The following LPP variants were observed in gnomAD, a reference collection of about 807,000 sequenced individuals.
LPP encodes lipoma-preferred partner.
A neutral mutation model predicts 60.4 loss-of-function variants in LPP; 38 were observed. The observed-to-expected ratio is 0.63, with a 90% CI of 0.49 to 0.83. LPP has a LOEUF of 0.83. Among genes scored for constraint, LPP ranks in the 40% least tolerant of loss-of-function variants. The pLI, the probability that LPP is intolerant of heterozygous loss-of-function variation, is 0.00. For missense variants in LPP, 902 were observed against 783.6 expected, an observed-to-expected ratio of 1.15 and a Z score of -1.80; for synonymous variants, 328 against 290.8, an observed-to-expected ratio of 1.13 and a Z score of -1.30.
chr3:188,246,651 A>G (rs1438090312), intron 2 of LPP, among the ~76,000 whole-genome samples: 1 of 152,222 alleles, frequency 6.6e-6, no homozygotes, highest in Non-Finnish European at 1.5e-5. Flanking sequence ...AGTCCCCCAC[A>G]GGGCAGGAGC....
Position 188,182,875 on chromosome 3 carries a change from C to G in LPP, c.-190+28623C>G, listed in dbSNP as rs1168674113. 6.6e-6 allele frequency among the ~76,000 whole-genome samples: 1 copy of G among 151,736 alleles called. No homozygotes were observed. Among genetic ancestry groups the G allele is most frequent in the East Asian group, 1.9e-4 (1 of 5,174 alleles). ...CCCAGCCCTTACTCCAGTCTAGAAT[C>G]AAAATCTCTGAGAAGTAGACCTGGT... On this transcript the variant is annotated intron_variant, in intron 1 of 11. Transcript: ENST00000617246. The surrounding 1 kb of genome is among the most constrained non-coding windows in gnomAD (Gnocchi z 4.4).
intron 9 of LPP, among the ~76,000 whole-genome samples, chr3:188,808,088 T>G (rs1244052457): frequency 6.6e-6 from 1 of 152,160 alleles, no homozygotes; most frequent in African/African-American, 2.4e-5. Flanking sequence ...TTGTTGTTGC[T>G]GTGATTCCCC....
chr3:188,583,647 G>A (rs1039993829), intron 6 of LPP, among the ~76,000 whole-genome samples: 17 of 152,250 alleles, frequency 1.1e-4, no homozygotes, highest in South Asian at 2.1e-4. Flanking sequence ...CCCGGACCGC[G>A]TTGTTAAACT....
At chr3:188,805,861 A>T (rs1748973651) in intron 9 of LPP, among the ~76,000 whole-genome samples, 1 of 151,628 alleles carries the variant, frequency 6.6e-6, no homozygotes, top group Non-Finnish European at 1.5e-5. Context: ...TGTGTTATTT[A>T]ATTTTTAAAT....
chr3:188,322,668 G>A (rs958037003), intron 2 of LPP, among the ~76,000 whole-genome samples: 4 of 152,146 alleles, frequency 2.6e-5, no homozygotes, highest in South Asian at 2.1e-4. Context: ...GAAGAGTGCC[G>A]GACAGCTGTA....
intron 5 of LPP, among the ~76,000 whole-genome samples, chr3:188,485,658 G>A (rs1043391804): frequency 5.3e-5 from 8 of 150,668 alleles, no homozygotes; most frequent in South Asian, 2.1e-4. Context: ...TTAGCCGGGC[G>A]TAGTGGCGGG....
At chr3:188,868,087 C>CATTATTGAT (rs1767122121) in intron 10 of LPP, among the ~76,000 whole-genome samples, 1 of 152,192 alleles carries the variant, frequency 6.6e-6, no homozygotes, top group Non-Finnish European at 1.5e-5. Flanking sequence ...TTGTGCTTCA[C>CATTATTGAT]ATTATTGATA....
intron 7 of LPP, among the ~76,000 whole-genome samples, chr3:188,663,748 C>T (rs1162363568): frequency 1.3e-5 from 2 of 152,142 alleles, no homozygotes; most frequent in Admixed American, 6.5e-5. Context: ...AGTTTTTCCA[C>T]GAACCCAGGG....
At chr3:188,602,054 C>T (rs1416457505) in intron 6 of LPP, among the ~76,000 whole-genome samples, 20 of 131,918 alleles carry the variant, frequency 1.5e-4, no homozygotes, top group Admixed American at 1.5e-3. Context: ...GGTGACAGAG[C>T]AAGACTCTAT....
At chr3:188,359,317 C>T (rs776388977) in intron 3 of LPP, among the ~76,000 whole-genome samples, 7 of 152,120 alleles carry the variant, frequency 4.6e-5, no homozygotes, top group Non-Finnish European at 7.4e-5. Context: ...GCCCCTCTGA[C>T]GAAGTAAAAG....
intron 9 of LPP, among the ~76,000 whole-genome samples, chr3:188,801,662 G>A (rs1273108157): frequency 6.6e-6 from 1 of 152,154 alleles, no homozygotes; most frequent in Non-Finnish European, 1.5e-5. Context: ...GATCCGTGAT[G>A]TCTTGACTCT....
intron 7 of LPP, among the ~76,000 whole-genome samples, chr3:188,669,299 G>A (rs909767663): frequency 1.6e-4 from 25 of 152,064 alleles, no homozygotes; most frequent in Non-Finnish European, 2.9e-4. Context: ...AGTCAGGGCC[G>A]GGCATGATGG....
chr3:188,154,993 C>A (rs1239241234), intron 1 of LPP, among the ~76,000 whole-genome samples: 1 of 152,088 alleles, frequency 6.6e-6, no homozygotes, highest in Non-Finnish European at 1.5e-5. Context: ...AGCCAGCTAG[C>A]GGCTTGGAGG....
At chr3:188,853,811 A>G (rs1249888370) in intron 9 of LPP, among the ~76,000 whole-genome samples, 1 of 147,486 alleles carries the variant, frequency 6.8e-6, no homozygotes, top group Non-Finnish European at 1.5e-5. Flanking sequence ...AAACCATTGA[A>G]GCACTTTAGA....
chr3:188,859,668 AG>A (rs1288635564), intron 9 of LPP, among the ~76,000 whole-genome samples: 15 of 152,186 alleles, frequency 9.9e-5, no homozygotes, highest in African/African-American at 3.4e-4. Flanking sequence ...GCATATAAGA[AG>A]TTTGTTTAAA....
rs1738493209 is a variant in LPP, at chr3:188,778,354, G to T, written c.1410+18072G>T. ...CCAGCTCATTTATATACAGTTCCTG[G>T]TTGCTGAAATTTTACTGGCAAGCTT... On this transcript the variant is annotated intron_variant, in intron 9 of 11. Transcript: ENST00000617246. 2.6e-5 allele frequency among the ~76,000 whole-genome samples: 4 copies of T among 152,074 alleles called. No homozygotes were observed. The South Asian group carries it at 8.3e-4, about 31-fold the overall frequency.
intron 8 of LPP, among the ~76,000 whole-genome samples, chr3:188,739,507 A>G (rs938894584): frequency 6.6e-6 from 1 of 152,080 alleles, no homozygotes; most frequent in Non-Finnish European, 1.5e-5. Flanking sequence ...TAGAAGATGT[A>G]TAAGGGTTTT....
intron 3 of LPP, among the ~76,000 whole-genome samples, chr3:188,365,805 T>C (rs1770986169): frequency 6.6e-6 from 1 of 152,110 alleles, no homozygotes; most frequent in South Asian, 2.1e-4. Context: ...AGTTAAGGTA[T>C]ACAACATATT....
At chr3:188,676,863 T>G (rs953001063) in intron 7 of LPP, among the ~76,000 whole-genome samples, 4 of 152,146 alleles carry the variant, frequency 2.6e-5, no homozygotes, top group African/African-American at 9.7e-5. Context: ...TTTGATGACT[T>G]GTGTGTGATT....
Sources: gnomAD v4.1 joint callset for allele counts (sites outside exome capture counted in the v4.1 genomes callset) on GRCh38, gnomAD v4.1.1 for gene constraint, Gnocchi (gnomAD v3.1) non-coding constraint, MANE v1.5 for transcripts, NCBI Gene and HGNC (gene_info 2026-07-23, HGNC 2026-07-21) for gene names.